DDX11: variants seen among roughly 807,000 people sequenced by gnomAD.
The protein encoded by DDX11 is DEAD/H-box helicase 11, also known as ATP-dependent DNA helicase DDX11.
Under a neutral mutation model 125.2 loss-of-function variants are expected in DDX11, and 72 were observed. The ratio of observed to expected loss-of-function variants is 0.58; its 90% CI spans 0.48 to 0.70. DDX11 has a LOEUF of 0.70. Ranked by LOEUF, DDX11 falls within the 30% of genes least tolerant of loss-of-function variation. The probability of loss-of-function intolerance (pLI) is 0.00; values close to 1 mark genes in which losing one functional copy is unlikely to be tolerated. For missense variants in DDX11, 883 were observed against 1,165.0 expected (o/e 0.76, Z 3.52); for synonymous variants, 347 against 452.6 (o/e 0.77, Z 2.96).
At chr12:31,081,228 C>T (rs1941863680) in intron 2 of DDX11, among the ~76,000 whole-genome samples, 1 of 152,166 alleles carries the variant, frequency 6.6e-6, no homozygotes, top group East Asian at 1.9e-4. Context: ...GCTTTATTAC[C>T]TTTGACATTC....
In DDX11 at chr12:31,091,857, G is replaced by A; in HGVS notation, c.1228G>A (p.Val410Ile). 1.2e-6 allele frequency: 2 copies of A among 1,613,912 alleles called. No individual in the cohort carries two copies. The highest frequency in any genetic ancestry group is 1.7e-6 in the Non-Finnish European group (2 of 1,179,860). ...CATCACGGGCATGCACAGCGTGGAG[G>A]TCAGCGGCTCCCAGGTGTGTGGGCC... is the stretch of plus-strand genomic sequence containing the variant. ...DTITGMHSVE[V>I]SGSQLCQAHS... Residue 410 changes from valine to isoleucine, a missense_variant, in exon 10 of 27, where the codon GTC (valine) becomes ATC (isoleucine). Around this residue, in one of 5 missense-constraint regions of DDX11, gnomAD observed 241 missense variants for 279.7 expected, o/e 0.86. Transcript: ENST00000542838.
At chr12:31,095,667 C>T (rs528074872) in intron 14 of DDX11, among the ~76,000 whole-genome samples, 49 of 152,308 alleles carry the variant, frequency 3.2e-4, no homozygotes, top group African/African-American at 1.1e-3. Flanking sequence ...CTGTGACAGC[C>T]GCCAGGCCTG....
chr12:31,086,305 C>T (rs1217816168), intron 5 of DDX11: 19 of 394,296 alleles, frequency 4.8e-5, no homozygotes, highest in Admixed American at 2.6e-4. Flanking sequence ...TGGCTGGGCT[C>T]GAGCTGCTTC....
chr12:31,075,401 T>C (rs1375967371), intron 1 of DDX11, among the ~76,000 whole-genome samples: 1 of 152,158 alleles, frequency 6.6e-6, no homozygotes, highest in Non-Finnish European at 1.5e-5. Flanking sequence ...AGTGAGGAGA[T>C]AGAAAGTTTC....
intron 12 of DDX11, 115 bp from the exon 13 acceptor site, chr12:31,094,475 C>T: frequency 2.0e-6 from 3 of 1,530,738 alleles, no homozygotes; most frequent in South Asian, 2.4e-5. Context: ...AAAACAAAGC[C>T]ATTTAAATAC....
At chr12:31,093,118 C>T (rs1944527552) in intron 11 of DDX11, 127 bp from the exon 12 acceptor site, 2 of 1,166,068 alleles carry the variant, frequency 1.7e-6, no homozygotes, top group African/African-American at 3.1e-5. Context: ...CCAGCCTGCT[C>T]TCTGGGAAAG....
intron 18 of DDX11, 150 bp downstream of exon 18, chr12:31,098,147 C>G: frequency 1.7e-6 from 1 of 580,856 alleles, no homozygotes; most frequent in South Asian, 1.8e-5. Flanking sequence ...CTGGGTGACA[C>G]TGCTATTCTC....
In DDX11 at chr12:31,078,706, G is replaced by A. The variant is rs201391476; in HGVS notation, c.144+169G>A. On this transcript the variant is annotated intron_variant, in intron 2 of 26. Transcript: ENST00000542838. Reference sequence around the variant, plus strand: ...ATTAAAGTCTTTTTTTTTTTTTTTTGAGACGGAGTCTCGCTGTGTCGCCCA... The same window carrying A: ...ATTAAAGTCTTTTTTTTTTTTTTTTAAGACGGAGTCTCGCTGTGTCGCCCA... Among the ~76,000 whole-genome samples the A allele has an allele frequency of 2.3e-4, 14 of 59,874 alleles. No individual in the cohort carries two copies. In the East Asian group the frequency reaches 8.4e-3, roughly 36 times the overall value. 39.3% of individuals were successfully genotyped at this position (59,874 alleles called of 152,430 possible). A position where few individuals can be genotyped will look rare whatever the true frequency, so the allele number is the denominator to read the frequency against.
rs7966272 is a variant in DDX11 at position 31,101,818 on chromosome 12, C to T, written c.2053-15C>T. On this transcript the variant is annotated splice_polypyrimidine_tract_variant and intron_variant, in intron 20 of 26. Coordinates refer to ENST00000542838, the MANE Select transcript of DDX11 (RefSeq NM_030653.4). ...CTCCATGGGGGCTCCCTCCCTCCCTCCTTTCCTTCCTTAGATGGACGAGGT... is the reference window on the plus strand; with the variant it reads ...CTCCATGGGGGCTCCCTCCCTCCCTTCTTTCCTTCCTTAGATGGACGAGGT... The T allele has an allele frequency of 0.49, 785,924 of 1,613,314 alleles. 198,320 individuals carry two copies. The highest frequency in any genetic ancestry group is 0.84 in the East Asian group (37,828 of 44,846).
chr12:31,075,883 T>G lies in DDX11; in HGVS notation c.-5+1792T>G, dbSNP rs114434652. ...TAAATTAAATACAGAGTAATGTGAT[T>G]TTTTAAAAGTGACTTAGAGCAAGCT... On this transcript the variant is annotated intron_variant, in intron 1 of 26. Coordinates refer to ENST00000542838, the MANE Select transcript of DDX11 (RefSeq NM_030653.4). Among the ~76,000 whole-genome samples, 834 of 152,262 alleles carry G rather than the reference T, an allele frequency of 5.5e-3. 6 individuals carry two copies. The highest frequency in any genetic ancestry group is 0.019 in the African/African-American group (788 of 41,528).
Position 31,102,455 on chromosome 12 carries a change from C to G in DDX11, c.2300C>G (p.Thr767Arg), listed in dbSNP as rs780866308. ...QACGQERGQV[T>R]GALLLSVVGG... ...TGTGGCCAGGAGAGAGGCCAGGTGA[C>G]AGGGGCCCTGCTCCTCTCTGTGGTT... Residue 767 changes from threonine (T) to arginine (R), a missense_variant, in exon 23 of 27, where the codon ACA (threonine) becomes AGA (arginine). Around this residue, in one of 5 missense-constraint regions of DDX11, gnomAD observed 285 missense variants for 346.0 expected, o/e 0.82. Coordinates refer to ENST00000542838, the MANE Select transcript of DDX11 (RefSeq NM_030653.4). The G allele has an allele frequency of 6.2e-7, 1 of 1,614,076 alleles. No homozygotes were observed.
At chr12:31,086,447 T>G (rs1943163548) in intron 5 of DDX11, among the ~76,000 whole-genome samples, 1 of 151,858 alleles carries the variant, frequency 6.6e-6, no homozygotes, top group Non-Finnish European at 1.5e-5. Context: ...GTAGTGTAAT[T>G]CCAGGCTGCG....
At chr12:31,089,294 C>G in intron 7 of DDX11, 109 bp from the exon 8 acceptor site, 1 of 1,417,856 alleles carries the variant, frequency 7.1e-7, no homozygotes, top group Non-Finnish European at 9.9e-7. Context: ...ACCTGGCCGG[C>G]CCAGCACTGG....
At chr12:31,077,325 A>C in intron 1 of DDX11, among the ~76,000 whole-genome samples, 1 of 152,194 alleles carries the variant, frequency 6.6e-6, no homozygotes, top group African/African-American at 2.4e-5. Flanking sequence ...AACGTGGAGC[A>C]GAGTTTTTCT....
chr12:31,093,689 C>T, intron 12 of DDX11: 1 of 278,726 alleles, frequency 3.6e-6, no homozygotes. Context: ...CCACTGCAGT[C>T]CAGTCTGGGC....
rs1387448876 is a variant in DDX11 at position 31,104,057 on chromosome 12, G to A, written c.*221G>A. ...GAACAGTGGGTCCTGGCTGTCCTTG[G>A]GGCGTTCCAGGGCAGCTCCCCTCCT... On this transcript the variant is annotated 3_prime_UTR_variant, in exon 27 of 27. Transcript: ENST00000542838. The A allele has an allele frequency of 2.6e-6, 4 of 1,541,842 alleles. No individual in the cohort carries two copies. The highest frequency in any genetic ancestry group is 4.0e-5 in the Admixed American group (2 of 50,306).
chr12:31,095,403 T>C (rs922835067), intron 14 of DDX11, among the ~76,000 whole-genome samples: 3 of 152,188 alleles, frequency 2.0e-5, no homozygotes, highest in Admixed American at 6.5e-5. Context: ...AACAGGCCCG[T>C]GGAGGTGACT....
At chr12:31,098,779 T>G (rs1765840034) in intron 18 of DDX11, among the ~76,000 whole-genome samples, 1 of 152,218 alleles carries the variant, frequency 6.6e-6, no homozygotes. Flanking sequence ...AAAAGTTGTT[T>G]ACAGTAATTA....
intron 2 of DDX11, among the ~76,000 whole-genome samples, chr12:31,082,980 G>A: frequency 6.6e-6 from 1 of 152,186 alleles, no homozygotes; most frequent in Non-Finnish European, 1.5e-5. Flanking sequence ...CTTTAGGCTG[G>A]GTCCCGTCCT....
Sources: gnomAD v4.1 joint callset for allele counts (sites outside exome capture counted in the v4.1 genomes callset) on GRCh38, gnomAD v4.1.1 for gene constraint, gnomAD v4.1.1 regional missense constraint, MANE v1.5 for transcripts, NCBI Gene and HGNC (gene_info 2026-07-23, HGNC 2026-07-21) for gene names.